ARHGAP5: variants seen among roughly 807,000 people sequenced by gnomAD.
ARHGAP5 encodes rho GTPase-activating protein 5.
Under a neutral mutation model 116.6 loss-of-function variants are expected in ARHGAP5, and 23 were observed. That is an observed-to-expected ratio of 0.20 (90% CI 0.14 to 0.28). The LOEUF (loss-of-function observed/expected upper bound fraction) is 0.28. Among genes scored for constraint, ARHGAP5 ranks in the 10% least tolerant of loss-of-function variants. The pLI is 1.00. For synonymous variants in ARHGAP5, 574 were observed against 602.0 expected (o/e 0.95, Z 0.68); for missense variants, 1,405 against 1,774.8 (o/e 0.79, Z 3.74).
chr14:32,102,349 G>A (rs1041239632), intron 2 of ARHGAP5, among the ~76,000 whole-genome samples: 1 of 152,000 alleles, frequency 6.6e-6, no homozygotes, highest in African/African-American at 2.4e-5. Context: ...GTCTGTCCAG[G>A]GTAGTAGAAT....
At chr14:32,099,340 A>G (rs939497778) in intron 2 of ARHGAP5, among the ~76,000 whole-genome samples, 4 of 152,216 alleles carry the variant, frequency 2.6e-5, no homozygotes, top group East Asian at 1.9e-4. Context: ...TTGTAGATAC[A>G]TAGGAGACAG....
chr14:32,114,186 C>A (rs1252390610), intron 2 of ARHGAP5, among the ~76,000 whole-genome samples: 1 of 151,740 alleles, frequency 6.6e-6, no homozygotes, highest in African/African-American at 2.4e-5. Flanking sequence ...TGAGATCACG[C>A]CACTGCACTC....
chr14:32,126,998 CTTTT>C (rs772990418), intron 3 of ARHGAP5, among the ~76,000 whole-genome samples: 2 of 134,500 alleles, frequency 1.5e-5, no homozygotes, highest in Non-Finnish European at 3.2e-5. Context: ...AATATGATAT[CTTTT>C]TTTTTTTTTT....
intron 3 of ARHGAP5, among the ~76,000 whole-genome samples, chr14:32,131,858 G>C (rs1002514981): frequency 6.6e-6 from 1 of 152,134 alleles, no homozygotes; most frequent in Non-Finnish European, 1.5e-5. Context: ...CCTTGCGATA[G>C]TTTGCTGAGA....
rs763351800 is a variant in ARHGAP5, at chr14:32,091,525, T to C, written c.856T>C (p.Tyr286His). 2.4e-5 allele frequency: 39 copies of C among 1,612,876 alleles called. No homozygotes were observed. Among genetic ancestry groups the C allele is most frequent in the Non-Finnish European group, 3.1e-5 (36 of 1,179,496 alleles). Residue 286 changes from tyrosine (Y) to histidine (H), a missense_variant, in exon 2 of 7, where the codon TAT becomes CAT. Transcript: ENST00000345122. ...FEKLVQTVRD[Y>H]HATWKTVSNK... is the part of the protein sequence containing the mutation. Reference sequence around the variant, plus strand: ...AAAACTTGTGCAGACTGTGAGAGATTATCATGCAACTTGGAAAACTGTTAG... The same window carrying C: ...AAAACTTGTGCAGACTGTGAGAGATCATCATGCAACTTGGAAAACTGTTAG...
Position 32,090,909 on chromosome 14 carries a change from A to T in ARHGAP5, c.240A>T (p.Gln80His). The T allele has an allele frequency of 6.2e-7, 1 of 1,613,688 alleles. No homozygotes were observed. The highest frequency in any genetic ancestry group is 8.5e-7 in the Non-Finnish European group (1 of 1,179,644). Residue 80 changes from glutamine to histidine, a missense_variant, in exon 2 of 7, where the codon CAA (glutamine) becomes CAT (histidine). Transcript: ENST00000345122. ...TTTTGTACTGGGGTGACATAATACA[A>T]AATAGTGAAGATGGAGTAGAATGCA... is the stretch of plus-strand genomic sequence containing the variant. Reference protein sequence around the residue: ...DHFLYWGDIIQNSEDGVECKI... With the variant: ...DHFLYWGDIIHNSEDGVECKI...
At chr14:32,136,310 A>C (rs145044321) in intron 3 of ARHGAP5, among the ~76,000 whole-genome samples, 1 of 152,206 alleles carries the variant, frequency 6.6e-6, no homozygotes, top group African/African-American at 2.4e-5. Flanking sequence ...AGCCCTTGCA[A>C]CCAATCTGCT....
chr14:32,108,865 G>T (rs1305780298), intron 2 of ARHGAP5, among the ~76,000 whole-genome samples: 1 of 152,064 alleles, frequency 6.6e-6, no homozygotes, highest in Non-Finnish European at 1.5e-5. Flanking sequence ...AATTTATCTG[G>T]TGTATGTGTG....
In ARHGAP5 at chr14:32,129,189, G is replaced by T. The variant is rs566656364; in HGVS notation, c.3865+11902G>T. On this transcript the variant is annotated intron_variant, in intron 3 of 6. Coordinates refer to ENST00000345122, the MANE Select transcript of ARHGAP5 (RefSeq NM_001030055.2). ...TAGAATCTGTGGAAAAACCTAAGGT[G>T]TTTCTCTTATAAGTAAATAATATAT... Among the ~76,000 whole-genome samples, 6 of 152,200 alleles carry T rather than the reference G, an allele frequency of 3.9e-5. No homozygotes were observed. The South Asian group carries it at 1.2e-3, about 32-fold the overall frequency.
At chr14:32,118,962 T>G (rs1879743646) in intron 3 of ARHGAP5, among the ~76,000 whole-genome samples, 1 of 152,300 alleles carries the variant, frequency 6.6e-6, no homozygotes, top group East Asian at 1.9e-4. Context: ...TAGGATAAAA[T>G]GCAGGTCTAG....
Position 32,156,394 on chromosome 14 carries a change from C to G in ARHGAP5, c.*1446C>G, listed in dbSNP as rs1881895029. On this transcript the variant is annotated 3_prime_UTR_variant, in exon 7 of 7. Transcript: ENST00000345122. Reference sequence around the variant, plus strand: ...TCAAGGCTCCTAAGAGTTTGATTTGCTCTGTTTTTTCCTAAAATAAATATT... The same window carrying G: ...TCAAGGCTCCTAAGAGTTTGATTTGGTCTGTTTTTTCCTAAAATAAATATT... The G allele has an allele frequency of 6.6e-6, 1 of 152,284 alleles. No individual in the cohort carries two copies. Among genetic ancestry groups the G allele is most frequent in the Non-Finnish European group, 1.5e-5 (1 of 67,838 alleles). The allele number at this position is 152,284 out of a possible 1,614,324, so 9.4% of individuals were successfully genotyped here.
intron 1 of ARHGAP5, among the ~76,000 whole-genome samples, chr14:32,086,427 C>G (rs976398792): frequency 1.3e-5 from 2 of 151,980 alleles, no homozygotes; most frequent in Admixed American, 1.3e-4. Flanking sequence ...GAAAAGGGAG[C>G]AGAAGTGAAG....
intron 3 of ARHGAP5, among the ~76,000 whole-genome samples, chr14:32,119,095 T>C (rs1879750126): frequency 6.6e-6 from 1 of 152,150 alleles, no homozygotes; most frequent in Non-Finnish European, 1.5e-5. Context: ...CTAGTTCTTT[T>C]GTTGTCGTTA....
intron 3 of ARHGAP5, among the ~76,000 whole-genome samples, chr14:32,142,617 C>G (rs143397879): frequency 8.0e-4 from 122 of 152,266 alleles, no homozygotes; most frequent in African/African-American, 2.5e-3. Context: ...CTTCAGAGAG[C>G]CAAAAGACAG....
chr14:32,078,514 TAGGC>T (rs2041737483), intron 1 of ARHGAP5, among the ~76,000 whole-genome samples: 1 of 152,216 alleles, frequency 6.6e-6, no homozygotes, highest in African/African-American at 2.4e-5. Context: ...TCCTTTGTGA[TAGGC>T]AGGAAACTGA....
intron 3 of ARHGAP5, among the ~76,000 whole-genome samples, chr14:32,134,554 C>T (rs1261504724): frequency 6.6e-6 from 1 of 152,146 alleles, no homozygotes; most frequent in Non-Finnish European, 1.5e-5. Flanking sequence ...TCATTAAAAA[C>T]AGCATGAACA....
intron 4 of ARHGAP5, among the ~76,000 whole-genome samples, chr14:32,146,957 A>G (rs761658662): frequency 1.6e-4 from 24 of 152,208 alleles, no homozygotes; most frequent in Admixed American, 6.5e-5. Context: ...GTTTCTTCCC[A>G]AATTTCGTAT....
chr14:32,125,767 T>A (rs1880121502), intron 3 of ARHGAP5, among the ~76,000 whole-genome samples: 1 of 152,230 alleles, frequency 6.6e-6, no homozygotes. Context: ...AATCCATGAA[T>A]GTTTGATGTC....
intron 1 of ARHGAP5, among the ~76,000 whole-genome samples, chr14:32,083,235 G>T (rs1310964386): frequency 2.0e-5 from 3 of 152,216 alleles, no homozygotes; most frequent in Admixed American, 1.3e-4. Flanking sequence ...TTGTAAAATG[G>T]CTTTCTACAT....
Sources: gnomAD v4.1 joint callset for allele counts (sites outside exome capture counted in the v4.1 genomes callset) on GRCh38, gnomAD v4.1.1 for gene constraint, MANE v1.5 for transcripts, NCBI Gene and HGNC (gene_info 2026-07-23, HGNC 2026-07-21) for gene names.